ACAN: variants seen among roughly 807,000 people sequenced by gnomAD.
The protein encoded by ACAN is aggrecan core protein.
A neutral mutation model predicts 169.1 loss-of-function variants in ACAN; 47 were observed. The observed-to-expected ratio is 0.28, with a 90% confidence interval of 0.22 to 0.35. The LOEUF (loss-of-function observed/expected upper bound fraction) is 0.35, where lower values mean the gene tolerates loss of function less well. ACAN is among the 10% of genes least tolerant of loss of function. The pLI is 1.00. For synonymous variants in ACAN, 1,115 were observed against 1,112.2 expected, an observed-to-expected ratio of 1.00 and a Z score of -0.05; for missense variants, 2,716 against 2,759.9, an observed-to-expected ratio of 0.98 and a Z score of 0.36.
At chr15:88,810,579 A>G (rs796407927) in intron 1 of ACAN, among the ~76,000 whole-genome samples, 7 of 152,216 alleles carry the variant, frequency 4.6e-5, no homozygotes, top group Non-Finnish European at 1.0e-4. Flanking sequence ...TTTGACCTGC[A>G]TATCCAGATG....
chr15:88,872,834 C>T lies in ACAN; in HGVS notation c.7303-47C>T, dbSNP rs527701138. On this transcript the variant is annotated intron_variant, in intron 16 of 18. Coordinates refer to ENST00000560601, the MANE Select transcript of ACAN (RefSeq NM_001369268.1). The surrounding 1 kb of genome is among the most constrained non-coding windows in gnomAD (Gnocchi z 5.4). The stretch of plus-strand genomic sequence containing the variant: ...GGAAGACAGTCGGAGCAGGCCAACC[C>T]GCACTGTCCTGCCCTCTCCTTACTC... 8.1e-6 allele frequency: 13 copies of T among 1,604,990 alleles called. No homozygotes were observed. Among genetic ancestry groups the T allele is most frequent in the Admixed American group, 3.4e-5 (2 of 59,694 alleles).
chr15:88,827,682 A>C (rs1896258291), intron 1 of ACAN, among the ~76,000 whole-genome samples: 1 of 152,218 alleles, frequency 6.6e-6, no homozygotes, highest in South Asian at 2.1e-4. Context: ...AGGGGCATAC[A>C]CAATGCAGGT....
At chr15:88,846,144 C>T (rs1896787702) in intron 7 of ACAN, among the ~76,000 whole-genome samples, 1 of 152,180 alleles carries the variant, frequency 6.6e-6, no homozygotes, top group African/African-American at 2.4e-5. Flanking sequence ...GGCACATGTG[C>T]CACATAGTTC....
intron 1 of ACAN, among the ~76,000 whole-genome samples, chr15:88,809,443 C>G (rs569763675): frequency 1.9e-3 from 293 of 152,318 alleles, no homozygotes; most frequent in Middle Eastern, 3.4e-3. Flanking sequence ...TGAGGACCTC[C>G]GAAGGAGGCC....
Position 88,872,779 on chromosome 15 carries a change from G to A in ACAN, c.7303-102G>A, listed in dbSNP as rs1032034473. 7.2e-7 allele frequency: 1 copy of A among 1,398,264 alleles called. No homozygotes were observed. Among genetic ancestry groups the A allele is most frequent in the Non-Finnish European group, 9.7e-7 (1 of 1,027,280 alleles). 86.6% of individuals were successfully genotyped at this position (1,398,264 alleles called of 1,614,324 possible). A position where few individuals can be genotyped will look rare whatever the true frequency, so the allele number is the denominator to read the frequency against. ...GATGAGCCTGAAGTTGGTGCTAAAA[G>A]AGAAAGGAGATGATGAAGAGGCTCC... On this transcript the variant is annotated intron_variant, in intron 16 of 18. Coordinates refer to ENST00000560601, the MANE Select transcript of ACAN (RefSeq NM_001369268.1). This position sits in a 1 kb window ranked among gnomAD's most constrained non-coding sequence, Gnocchi z 5.4.
chr15:88,815,403 A>T (rs955847044), intron 1 of ACAN, among the ~76,000 whole-genome samples: 1 of 152,020 alleles, frequency 6.6e-6, no homozygotes, highest in Non-Finnish European at 1.5e-5. Flanking sequence ...TACTAAAAAT[A>T]TAAAAATTAA....
intron 1 of ACAN, among the ~76,000 whole-genome samples, chr15:88,821,283 T>C (rs1896069039): frequency 6.6e-6 from 1 of 152,002 alleles, no homozygotes. Context: ...GGAACCACAG[T>C]TGCATACCAC....
At position 88,848,003 on chromosome 15, in the gene ACAN, C is replaced by T. The variant is rs759458195; in HGVS notation, c.1697C>T (p.Thr566Ile). The change falls in exon 9 of 19, where the codon ACC (threonine) becomes ATC (isoleucine). Residue 566 changes from threonine (T) to isoleucine (I), a missense_variant. Coordinates refer to ENST00000560601, the MANE Select transcript of ACAN (RefSeq NM_001369268.1). ...TATGGCGTGCGCCCATCAACAGAGACCTACGATGTCTACTGCTTTGTAGAC... is the reference window on the plus strand; with the variant it reads ...TATGGCGTGCGCCCATCAACAGAGATCTACGATGTCTACTGCTTTGTAGAC... ...RTYGVRPSTE[T>I]YDVYCFVDRL... is the part of the protein sequence containing the mutation. 1 of 1,613,994 alleles carries T rather than the reference C, an allele frequency of 6.2e-7. No individual in the cohort carries two copies. Among genetic ancestry groups the T allele is most frequent in the Non-Finnish European group, 8.5e-7 (1 of 1,179,884 alleles).
At chr15:88,810,451 G>A (rs530430556) in intron 1 of ACAN, among the ~76,000 whole-genome samples, 2 of 152,042 alleles carry the variant, frequency 1.3e-5, no homozygotes, top group East Asian at 3.9e-4. Flanking sequence ...CTCAGCCGCC[G>A]CCTCGGGTCC....
Position 88,819,665 on chromosome 15 carries a change from C to A in ACAN, c.-8+15856C>A, listed in dbSNP as rs201786061. 4.0e-5 allele frequency among the ~76,000 whole-genome samples: 6 copies of A among 151,430 alleles called. No individual in the cohort carries two copies. In the East Asian group the frequency reaches 1.2e-3, roughly 29 times the overall value. On this transcript the variant is annotated intron_variant, in intron 1 of 18. Coordinates refer to ENST00000560601, the MANE Select transcript of ACAN (RefSeq NM_001369268.1). ...CCTGTAGTTCCAGCTACTCAGGAGG[C>A]TGAGACAGGAAGATCACTTGAACCC...
intron 13 of ACAN, among the ~76,000 whole-genome samples, chr15:88,860,861 T>C (rs12385976): frequency 0.065 from 9,848 of 152,138 alleles, 483 homozygotes; most frequent in African/African-American, 0.13. Flanking sequence ...CCAAGTTGCC[T>C]CCATGCTTGG....
intron 11 of ACAN, among the ~76,000 whole-genome samples, chr15:88,854,311 A>T (rs1896998787): frequency 1.3e-5 from 2 of 152,092 alleles, no homozygotes; most frequent in African/African-American, 4.8e-5. Context: ...TTGCTGAATC[A>T]GTGGGGCTGG....
At chr15:88,854,609 C>T (rs1475285089) in intron 11 of ACAN, among the ~76,000 whole-genome samples, 1 of 152,142 alleles carries the variant, frequency 6.6e-6, no homozygotes, top group Non-Finnish European at 1.5e-5. Flanking sequence ...TCCCTACCTC[C>T]CTCCTTCCTT....
chr15:88,867,386 C>A (rs1897296926), intron 13 of ACAN, among the ~76,000 whole-genome samples: 1 of 152,196 alleles, frequency 6.6e-6, no homozygotes, highest in Non-Finnish European at 1.5e-5. Context: ...TGTTGTGCGA[C>A]CACTTGCTAA....
chr15:88,830,125 A>G (rs1444662953), intron 1 of ACAN, among the ~76,000 whole-genome samples: 1 of 152,100 alleles, frequency 6.6e-6, no homozygotes, highest in African/African-American at 2.4e-5. Flanking sequence ...ACGCTGGGCC[A>G]GGGGAGGTGA....
intron 11 of ACAN, 75 bp downstream of exon 11, chr15:88,852,108 C>CG (rs977810593): frequency 1.2e-4 from 187 of 1,507,012 alleles, no homozygotes; most frequent in Non-Finnish European, 1.5e-4. Context: ...CCTGGTGGGG[C>CG]GGGGGGGTTC....
At chr15:88,831,963 T>G (rs1179354603) in intron 1 of ACAN, among the ~76,000 whole-genome samples, 1 of 152,196 alleles carries the variant, frequency 6.6e-6, no homozygotes, top group Non-Finnish European at 1.5e-5. Context: ...GGATGTGTTT[T>G]GGGTGGCTTC....
intron 9 of ACAN, among the ~76,000 whole-genome samples, chr15:88,848,944 G>A (rs1896860987): frequency 6.6e-6 from 1 of 152,230 alleles, no homozygotes. Flanking sequence ...TAGGTATCAG[G>A]TACATCGCTA....
At position 88,843,551 on chromosome 15, in the gene ACAN, C is replaced by T. The variant is rs1458616144; in HGVS notation, c.954C>T (p.Cys318=). 15 of 1,612,658 alleles carry T rather than the reference C, an allele frequency of 9.3e-6. No homozygotes were observed. The highest frequency in any genetic ancestry group is 4.0e-5 in the African/African-American group (3 of 75,044). ...RYPISKARPN[C]GGNLLGVRTV... is the part of the protein sequence containing the mutation. Reference sequence around the variant, plus strand: ...CCATCTCCAAGGCCCGGCCCAACTGCGGTGGCAACCTCCTGGGCGTGAGGA... The same window carrying T: ...CCATCTCCAAGGCCCGGCCCAACTGTGGTGGCAACCTCCTGGGCGTGAGGA... Residue 318 remains cysteine, a synonymous_variant, in exon 6 of 19, where the codon TGC becomes TGT. Transcript: ENST00000560601. The surrounding 1 kb of genome is among the most constrained non-coding windows in gnomAD (Gnocchi z 4.0).
Sources: gnomAD v4.1 joint callset for allele counts (sites outside exome capture counted in the v4.1 genomes callset) on GRCh38, gnomAD v4.1.1 for gene constraint, Gnocchi (gnomAD v3.1) non-coding constraint, MANE v1.5 for transcripts, NCBI Gene and HGNC (gene_info 2026-07-23, HGNC 2026-07-21) for gene names.